The following KCNQ3 variants were observed in gnomAD, a reference collection of about 807,000 sequenced individuals.
The protein encoded by KCNQ3 is potassium voltage-gated channel subfamily Q member 3, also known as potassium voltage-gated channel subfamily KQT member 3.
A neutral mutation model predicts 92.5 loss-of-function variants in KCNQ3; 30 were observed. The ratio of observed to expected loss-of-function variants is 0.32; its 90% CI spans 0.24 to 0.44. KCNQ3 has a LOEUF of 0.44. Among genes scored for constraint, KCNQ3 ranks in the 20% least tolerant of loss-of-function variants. The pLI is 1.00. For synonymous variants in KCNQ3, 450 were observed against 468.8 expected (o/e 0.96, Z 0.52); for missense variants, 913 against 1,140.3 (o/e 0.80, Z 2.87).
chr8:132,221,598 C>G (rs1173431619), intron 1 of KCNQ3, among the ~76,000 whole-genome samples: 19 of 152,148 alleles, frequency 1.2e-4, no homozygotes, highest in Non-Finnish European at 7.3e-5. Context: ...GTGTCTGTTG[C>G]CTGCATAAAT....
chr8:132,374,456 G>T (rs1819557775), intron 1 of KCNQ3, among the ~76,000 whole-genome samples: 1 of 152,120 alleles, frequency 6.6e-6, no homozygotes. Context: ...CTACTGCAGG[G>T]GCCTTGGCCC....
intron 1 of KCNQ3, among the ~76,000 whole-genome samples, chr8:132,335,708 C>T (rs1370217088): frequency 2.0e-5 from 3 of 152,156 alleles, no homozygotes; most frequent in South Asian, 2.1e-4. Context: ...TTTTGTGAAA[C>T]GATCCAAGAG....
At position 132,319,885 on chromosome 8, in the gene KCNQ3, T is replaced by A. The variant is rs1586923579; in HGVS notation, c.387-133704A>T. The stretch of plus-strand genomic sequence containing the variant: ...CTTTAACAAAATGAAGTGTCTACTA[T>A]GGCAGACCTCAATCTAACCTTCTCA... On this transcript the variant is annotated intron_variant, in intron 1 of 14. Coordinates refer to ENST00000388996, the MANE Select transcript of KCNQ3 (RefSeq NM_004519.4). Among the ~76,000 whole-genome samples, 3 of 152,370 alleles carry A rather than the reference T, an allele frequency of 2.0e-5. No individual in the cohort carries two copies. The South Asian group carries it at 6.2e-4, about 32-fold the overall frequency.
At chr8:132,238,072 C>T (rs569834671) in intron 1 of KCNQ3, among the ~76,000 whole-genome samples, 1 of 152,268 alleles carries the variant, frequency 6.6e-6, no homozygotes, top group East Asian at 1.9e-4. Context: ...GGAGAAGTCT[C>T]TTGGGTAACC....
Position 132,153,742 on chromosome 8 carries a change from C to A in KCNQ3, c.1262+9726G>T, listed in dbSNP as rs568670150. 1.4e-4 allele frequency among the ~76,000 whole-genome samples: 22 copies of A among 152,222 alleles called. No individual in the cohort carries two copies. In the South Asian group the frequency reaches 1.9e-3, roughly 13 times the overall value. On this transcript the variant is annotated intron_variant, in intron 9 of 14. Transcript: ENST00000388996. ...ATACTCCTACCCCGCAAGCCCCCCC[C>A]CCATTAACATGGGTGAAAGCCTCTT... is the stretch of plus-strand genomic sequence containing the variant.
At chr8:132,209,254 C>T (rs1311038381) in intron 1 of KCNQ3, among the ~76,000 whole-genome samples, 1 of 152,148 alleles carries the variant, frequency 6.6e-6, no homozygotes, top group Non-Finnish European at 1.5e-5. Context: ...CTCCACCCTC[C>T]CTGAAAGGAG....
chr8:132,456,578 A>T lies in KCNQ3; in HGVS notation c.386+23569T>A, dbSNP rs563374687. Reference sequence around the variant, plus strand: ...CCAAACTGTTCATAATTCAAAAAGCAATGTTAGCTTTCTATTTTTTTTTTA... The same window carrying T: ...CCAAACTGTTCATAATTCAAAAAGCTATGTTAGCTTTCTATTTTTTTTTTA... On this transcript the variant is annotated intron_variant, in intron 1 of 14. Transcript: ENST00000388996. Among the ~76,000 whole-genome samples the T allele has an allele frequency of 1.1e-4, 17 of 151,644 alleles. No homozygotes were observed. In the South Asian group the frequency reaches 3.3e-3, roughly 30 times the overall value.
intron 14 of KCNQ3, among the ~76,000 whole-genome samples, chr8:132,131,458 C>A (rs557233424): frequency 1.3e-5 from 2 of 152,150 alleles, no homozygotes; most frequent in African/African-American, 2.4e-5. Context: ...GGCCTCTTCA[C>A]GCAGGCAACC....
intron 1 of KCNQ3, among the ~76,000 whole-genome samples, chr8:132,206,031 G>A (rs917210509): frequency 2.0e-5 from 3 of 152,128 alleles, no homozygotes; most frequent in Non-Finnish European, 2.9e-5. Context: ...GGCTCCCCTC[G>A]ACCTCTCACA....
At chr8:132,339,563 T>C (rs1250692945) in intron 1 of KCNQ3, among the ~76,000 whole-genome samples, 3 of 152,122 alleles carry the variant, frequency 2.0e-5, no homozygotes, top group Admixed American at 1.3e-4. Flanking sequence ...ACTAAAAATA[T>C]TTTAAAAATT....
chr8:132,157,566 T>C (rs1825840064), intron 9 of KCNQ3, among the ~76,000 whole-genome samples: 1 of 152,230 alleles, frequency 6.6e-6, no homozygotes, highest in Non-Finnish European at 1.5e-5. Context: ...GTCCCTGTGC[T>C]GTTTCCAAGG....
At chr8:132,160,278 T>G (rs1193331488) in intron 9 of KCNQ3, among the ~76,000 whole-genome samples, 1 of 152,230 alleles carries the variant, frequency 6.6e-6, no homozygotes, top group African/African-American at 2.4e-5. Flanking sequence ...CCACCTGTGT[T>G]GCAGGCAGAG....
At chr8:132,195,133 T>C (rs187742456) in intron 1 of KCNQ3, among the ~76,000 whole-genome samples, 1 of 152,364 alleles carries the variant, frequency 6.6e-6, no homozygotes, top group East Asian at 1.9e-4. Context: ...ACCACTGTTT[T>C]TCTTCATTTA....
intron 1 of KCNQ3, among the ~76,000 whole-genome samples, chr8:132,232,681 T>A (rs117295078): frequency 0.012 from 1,787 of 152,302 alleles, 12 homozygotes; most frequent in Non-Finnish European, 0.018. Flanking sequence ...ATGTGTCCTG[T>A]GACAGATATT....
In KCNQ3 at chr8:132,369,822, A is replaced by C. The variant is rs140043212; in HGVS notation, c.386+110325T>G. On this transcript the variant is annotated intron_variant, in intron 1 of 14. Coordinates refer to ENST00000388996, the MANE Select transcript of KCNQ3 (RefSeq NM_004519.4). ...ATAAGCTCCTTGAGACAATGTGTTC[A>C]GGGTGTTTAGGAAGACATGGAGTAT... Among the ~76,000 whole-genome samples, 154 of 152,318 alleles carry C rather than the reference A, an allele frequency of 1.0e-3. 1 individual carries two copies. Among genetic ancestry groups the C allele is most frequent in the African/African-American group, 3.1e-3 (128 of 41,576 alleles).
chr8:132,479,159 G>A (rs1158555780), intron 1 of KCNQ3, among the ~76,000 whole-genome samples: 1 of 152,084 alleles, frequency 6.6e-6, no homozygotes, highest in African/African-American at 2.4e-5. Flanking sequence ...CTTGAATGAG[G>A]AGCACCCCCA....
In KCNQ3 at chr8:132,129,564, G is replaced by A; in HGVS notation, c.2317C>T (p.Arg773Ter). Residue 773 changes from arginine to a stop codon, truncating the protein, a stop_gained, in exon 15 of 15, where the codon CGA (arginine) becomes TGA (stop). Coordinates refer to ENST00000388996, the MANE Select transcript of KCNQ3 (RefSeq NM_004519.4). LOFTEE classifies it high-confidence loss of function. This position sits in a 1 kb window ranked among gnomAD's most constrained non-coding sequence, Gnocchi z 5.9. ...CTACGTCTCTGCCGGGGGGAGATTC[G>A]GTCCGAGTAGGGGCCCTGCAGGTCA... ...QADLQGPYSD[R>*]ISPRQRRSIT... is the part of the protein sequence containing the mutation. 1 of 1,614,178 alleles carries A rather than the reference G, an allele frequency of 6.2e-7. No individual in the cohort carries two copies. Among genetic ancestry groups the A allele is most frequent in the Non-Finnish European group, 8.5e-7 (1 of 1,180,040 alleles).
chr8:132,441,113 C>G (rs1047805947), intron 1 of KCNQ3, among the ~76,000 whole-genome samples: 1 of 152,212 alleles, frequency 6.6e-6, no homozygotes, highest in Admixed American at 6.5e-5. Flanking sequence ...TCAAGACTGG[C>G]AGCAATGGTG....
At chr8:132,323,933 G>T (rs1461160128) in intron 1 of KCNQ3, among the ~76,000 whole-genome samples, 1 of 152,100 alleles carries the variant, frequency 6.6e-6, no homozygotes, top group South Asian at 2.1e-4. Flanking sequence ...TGGCAATCAA[G>T]ACCCTCCAGT....
Sources: allele counts gnomAD v4.1 joint callset (sites outside exome capture counted in the v4.1 genomes callset), GRCh38; gene constraint gnomAD v4.1.1; non-coding constraint Gnocchi (gnomAD v3.1); transcripts MANE v1.5; gene names NCBI Gene and HGNC (gene_info 2026-07-23, HGNC 2026-07-21).